PTGER3: variants seen among roughly 807,000 people sequenced by gnomAD.
The protein encoded by PTGER3 is prostaglandin E receptor 3.
PTGER3 carries 22 observed loss-of-function variants against 34.7 expected under a neutral mutation model. The observed-to-expected ratio is 0.63, with a 90% CI of 0.45 to 0.91. PTGER3 has a LOEUF of 0.91. PTGER3 is among the 40% of genes least tolerant of loss of function. PTGER3 has a pLI of 0.00. For synonymous variants in PTGER3, 241 were observed against 230.1 expected, an observed-to-expected ratio of 1.05 and a Z score of -0.43; for missense variants, 468 against 519.4, an observed-to-expected ratio of 0.90 and a Z score of 0.96.
At chr1:71,005,741 G>T (rs1656899933) in intron 2 of PTGER3, 1 of 448,012 alleles carries the variant, frequency 2.2e-6, no homozygotes, top group Admixed American at 6.4e-5. Context: ...TGGCCCCAAG[G>T]ACATTTGGCC....
At chr1:71,027,295 C>T (rs770295485) in intron 1 of PTGER3, among the ~76,000 whole-genome samples, 1 of 152,120 alleles carries the variant, frequency 6.6e-6, no homozygotes, top group Non-Finnish European at 1.5e-5. Context: ...GCTAGTACTA[C>T]AGGCATGTGC....
chr1:70,990,382 C>T (rs1171872755), intron 2 of PTGER3, among the ~76,000 whole-genome samples: 7 of 107,414 alleles, frequency 6.5e-5, no homozygotes, highest in African/African-American at 2.2e-4. Flanking sequence ...CACACACACA[C>T]ACACATATAT....
intron 4 of PTGER3, among the ~76,000 whole-genome samples, chr1:70,899,310 G>A (rs1428676141): frequency 6.6e-6 from 1 of 152,018 alleles, no homozygotes; most frequent in Non-Finnish European, 1.5e-5. Flanking sequence ...GTGTTGGAGG[G>A]AGAAAAAAAC....
intron 4 of PTGER3, among the ~76,000 whole-genome samples, chr1:70,933,262 A>T (rs1323082650): frequency 6.6e-6 from 1 of 152,198 alleles, no homozygotes; most frequent in East Asian, 1.9e-4. Context: ...TTCATCTAAG[A>T]CAGGAATAAA....
downstream of PTGER3, among the ~76,000 whole-genome samples, chr1:70,950,556 CAT>C (rs1406072591): frequency 1.3e-5 from 2 of 152,106 alleles, no homozygotes; most frequent in Non-Finnish European, 2.9e-5. Flanking sequence ...AGACTAAAAA[CAT>C]ATAAGAAAGT....
intron 4 of PTGER3, among the ~76,000 whole-genome samples, chr1:70,870,220 C>A (rs989149736): frequency 4.6e-5 from 7 of 152,146 alleles, no homozygotes; most frequent in African/African-American, 1.4e-4. Context: ...TACTCCTGGG[C>A]CCCTTTGAGC....
chr1:71,041,640 T>C (rs186161787), intron 1 of PTGER3, among the ~76,000 whole-genome samples: 214 of 152,332 alleles, frequency 1.4e-3, no homozygotes, highest in Middle Eastern at 3.4e-3. Flanking sequence ...GATTGTCTAA[T>C]GATTCTCAAG....
intron 1 of PTGER3, among the ~76,000 whole-genome samples, chr1:71,045,128 T>C (rs1660645046): frequency 6.6e-6 from 1 of 152,178 alleles, no homozygotes; most frequent in East Asian, 1.9e-4. Flanking sequence ...CAGCGACTTG[T>C]GGGCAGTTAG....
intron 4 of PTGER3, among the ~76,000 whole-genome samples, chr1:70,933,888 A>G (rs1435118578): frequency 6.6e-6 from 1 of 152,194 alleles, no homozygotes; most frequent in Non-Finnish European, 1.5e-5. Context: ...AAATGGTGAC[A>G]GTACTGCCAG....
intron 1 of PTGER3, among the ~76,000 whole-genome samples, chr1:71,040,704 G>A (rs955211240): frequency 1.3e-5 from 2 of 152,152 alleles, no homozygotes; most frequent in African/African-American, 2.4e-5. Context: ...TAATGTGCAA[G>A]ACACACACTG....
chr1:71,006,926 A>C (rs1234405891), intron 2 of PTGER3: 2 of 985,342 alleles, frequency 2.0e-6, no homozygotes, highest in African/African-American at 3.5e-5. Context: ...TATTAAATAC[A>C]CAGACTAGCC....
At chr1:70,852,739 A>C (rs1336981786) in exon 5 of PTGER3, 33 of 1,405,892 alleles carry the variant, frequency 2.3e-5, no homozygotes, top group Non-Finnish European at 3.3e-5. Context: ...GAAGTAAAAG[A>C]GAATAGTTTG....
At chr1:71,015,891 T>C (rs1325075984) in intron 1 of PTGER3, among the ~76,000 whole-genome samples, 2 of 152,148 alleles carry the variant, frequency 1.3e-5, no homozygotes, top group African/African-American at 4.8e-5. Flanking sequence ...GATGGGAATT[T>C]CCAGTTTTGG....
intron 2 of PTGER3, among the ~76,000 whole-genome samples, chr1:70,984,686 CA>C (rs1328793998): frequency 6.6e-6 from 1 of 151,926 alleles, no homozygotes; most frequent in African/African-American, 2.4e-5. Flanking sequence ...ATGATTGTAC[CA>C]CTGCACTCCA....
intron 4 of PTGER3, among the ~76,000 whole-genome samples, chr1:70,910,358 C>A (rs1335185387): frequency 6.6e-6 from 1 of 152,164 alleles, no homozygotes; most frequent in East Asian, 1.9e-4. Context: ...CCAATTACAC[C>A]CAGGTTGGTG....
intron 4 of PTGER3, chr1:70,865,878 C>A (rs1572492163): frequency 8.0e-7 from 1 of 1,244,346 alleles, no homozygotes; most frequent in Non-Finnish European, 1.1e-6. Context: ...GGCAGGAAGA[C>A]ACTCATCTAG....
At position 71,008,106 on chromosome 1, in the gene PTGER3, T is replaced by A. The variant is rs535646119; in HGVS notation, c.1077+4199A>T. On this transcript the variant is annotated intron_variant, in intron 2 of 3. Coordinates refer to ENST00000306666, the MANE Select transcript of PTGER3 (RefSeq NM_198719.2). ...ATCCCAGCCTCATCAACAGGAATTATGTCTGTTACTTTCTTTCTGTGAAAG... is the reference window on the plus strand; with the variant it reads ...ATCCCAGCCTCATCAACAGGAATTAAGTCTGTTACTTTCTTTCTGTGAAAG... The A allele has an allele frequency of 3.9e-5, 38 of 981,632 alleles. No homozygotes were observed. In the South Asian group the frequency reaches 1.1e-3, roughly 29 times the overall value. 60.8% of individuals were successfully genotyped at this position (981,632 alleles called of 1,614,324 possible). A position where few individuals can be genotyped will look rare whatever the true frequency, so the allele number is the denominator to read the frequency against.
intron 2 of PTGER3, among the ~76,000 whole-genome samples, chr1:70,963,654 C>A (rs1652193762): frequency 6.6e-6 from 1 of 152,166 alleles, no homozygotes; most frequent in Admixed American, 6.5e-5. Flanking sequence ...AAGCCCCTGG[C>A]CTGCACACAG....
chr1:71,042,782 GA>G lies in PTGER3; in HGVS notation c.897+3898del, dbSNP rs552109682. On this transcript the variant is annotated intron_variant, in intron 1 of 3. Coordinates refer to ENST00000306666, the MANE Select transcript of PTGER3 (RefSeq NM_198719.2). ...ACATCAGTGACTCCTTAACTAAAATGAAAAAAAATCACAACTACATTGTGAA... is the reference window on the plus strand; with the variant it reads ...ACATCAGTGACTCCTTAACTAAAATGAAAAAAATCACAACTACATTGTGAA... 3.7e-3 allele frequency among the ~76,000 whole-genome samples: 556 copies of G among 151,890 alleles called. 5 individuals are homozygous for G. Among genetic ancestry groups the G allele is most frequent in the African/African-American group, 0.013 (527 of 41,442 alleles).
Sources: allele counts gnomAD v4.1 joint callset (sites outside exome capture counted in the v4.1 genomes callset), GRCh38; gene constraint gnomAD v4.1.1; transcripts MANE v1.5; gene names NCBI Gene and HGNC (gene_info 2026-07-23, HGNC 2026-07-21).